The following NRG1 variants were observed in gnomAD, a reference collection of about 807,000 sequenced individuals.
The protein encoded by NRG1 is pro-neuregulin-1, membrane-bound isoform.
In NRG1, 18 loss-of-function variants were observed where a neutral mutation model predicts 63.8. That is an observed-to-expected ratio of 0.28 (90% CI 0.19 to 0.42). The LOEUF (loss-of-function observed/expected upper bound fraction) is 0.42, where lower values mean the gene tolerates loss of function less well. NRG1 is among the 10% of genes least tolerant of loss of function. The pLI, the probability that NRG1 is intolerant of heterozygous loss-of-function variation, is 1.00. For missense variants in NRG1, 762 were observed against 814.7 expected, an observed-to-expected ratio of 0.94 and a Z score of 0.79; for synonymous variants, 302 against 301.3, an observed-to-expected ratio of 1.00 and a Z score of -0.02.
chr8:31,954,251 G>A (rs1486556992), intron 1 of NRG1, among the ~76,000 whole-genome samples: 5 of 152,142 alleles, frequency 3.3e-5, no homozygotes, highest in Admixed American at 3.3e-4. Context: ...ATTTAGAGGT[G>A]AAGACACTGA....
intron 1 of NRG1, among the ~76,000 whole-genome samples, chr8:31,906,607 G>T (rs1239647322): frequency 6.6e-6 from 1 of 152,050 alleles, no homozygotes; most frequent in Non-Finnish European, 1.5e-5. Flanking sequence ...ATTCCGAGCA[G>T]TACTTTTAAG....
At chr8:31,947,713 G>A (rs1469811796) in intron 1 of NRG1, among the ~76,000 whole-genome samples, 2 of 151,914 alleles carry the variant, frequency 1.3e-5, no homozygotes, top group Non-Finnish European at 2.9e-5. Flanking sequence ...GGAGGCCAAG[G>A]CAGGTGGATC....
At chr8:32,038,134 G>A (rs147053749) in intron 1 of NRG1, among the ~76,000 whole-genome samples, 11 of 152,354 alleles carry the variant, frequency 7.2e-5, no homozygotes, top group African/African-American at 1.9e-4. Flanking sequence ...TGGTGGTGTG[G>A]GCTCACAAGG....
chr8:32,608,093 TTTTTTTTTTTTTTG>T (rs1563756382), intron 3 of NRG1, among the ~76,000 whole-genome samples: 4 of 97,348 alleles, frequency 4.1e-5, no homozygotes, highest in African/African-American at 1.9e-4. Context: ...GTTTTTTTTG[TTTTTTTTTTTTTTG>T]TTTTTTTTTT....
At chr8:32,450,622 C>T (rs182609405) in intron 1 of NRG1, among the ~76,000 whole-genome samples, 8 of 152,160 alleles carry the variant, frequency 5.3e-5, no homozygotes, top group Non-Finnish European at 1.2e-4. Flanking sequence ...CACCATGTTG[C>T]CCAGGCTGGT....
chr8:31,886,470 A>T (rs1830723282), intron 1 of NRG1, among the ~76,000 whole-genome samples: 1 of 152,158 alleles, frequency 6.6e-6, no homozygotes, highest in Non-Finnish European at 1.5e-5. Flanking sequence ...TAAGGAAACT[A>T]TGAAAACAGT....
At chr8:32,465,822 T>TCA (rs1162645376) in intron 1 of NRG1, among the ~76,000 whole-genome samples, 1 of 152,196 alleles carries the variant, frequency 6.6e-6, no homozygotes, top group African/African-American at 2.4e-5. Flanking sequence ...TATTTTACAG[T>TCA]CATGTAATCA....
chr8:31,706,230 G>C (rs919226418), intron 1 of NRG1, among the ~76,000 whole-genome samples: 1 of 151,928 alleles, frequency 6.6e-6, no homozygotes, highest in African/African-American at 2.4e-5. Flanking sequence ...TCCTTCCAGA[G>C]TTTTTTCTGC....
intron 1 of NRG1, among the ~76,000 whole-genome samples, chr8:32,282,027 A>T (rs1234786296): frequency 6.6e-6 from 1 of 152,206 alleles, no homozygotes; most frequent in Non-Finnish European, 1.5e-5. Flanking sequence ...CCTTTCTGAA[A>T]ACTTACACCG....
At chr8:31,946,423 C>A (rs28620142) in intron 1 of NRG1, among the ~76,000 whole-genome samples, 1 of 152,026 alleles carries the variant, frequency 6.6e-6, no homozygotes, top group Non-Finnish European at 1.5e-5. Flanking sequence ...TCCTGCAAGG[C>A]GCTAACAGTG....
chr8:31,790,344 G>C (rs1563405031), intron 1 of NRG1, among the ~76,000 whole-genome samples: 1 of 152,176 alleles, frequency 6.6e-6, no homozygotes, highest in African/African-American at 2.4e-5. Context: ...GAAACTAACA[G>C]TGATAGAGGA....
At chr8:32,219,713 G>GTA (rs1845612855) in intron 1 of NRG1, among the ~76,000 whole-genome samples, 1 of 152,194 alleles carries the variant, frequency 6.6e-6, no homozygotes, top group African/African-American at 2.4e-5. Flanking sequence ...CTTGGTTACT[G>GTA]TAGTTCATTC....
chr8:32,629,926 A>G (rs562790190), intron 5 of NRG1, among the ~76,000 whole-genome samples: 29 of 152,190 alleles, frequency 1.9e-4, no homozygotes, highest in Non-Finnish European at 4.1e-4. Context: ...ATAATAGATG[A>G]CAATAATATA....
chr8:32,308,170 C>T (rs772086833), intron 1 of NRG1, among the ~76,000 whole-genome samples: 1 of 152,116 alleles, frequency 6.6e-6, no homozygotes, highest in East Asian at 1.9e-4. Flanking sequence ...TGATGGTTTC[C>T]ACTTAGATTC....
chr8:31,643,019 T>C (rs1803953798), intron 1 of NRG1, among the ~76,000 whole-genome samples: 1 of 152,048 alleles, frequency 6.6e-6, no homozygotes, highest in Non-Finnish European at 1.5e-5. Context: ...AATGAATGAA[T>C]GTGTGAATTC....
intron 1 of NRG1, among the ~76,000 whole-genome samples, chr8:32,042,429 G>C (rs1820210932): frequency 6.6e-6 from 1 of 151,710 alleles, no homozygotes; most frequent in African/African-American, 2.4e-5. Flanking sequence ...TTGGGTGATA[G>C]AGCAAGACCT....
chr8:31,954,051 C>A (rs113165691), intron 1 of NRG1, among the ~76,000 whole-genome samples: 1 of 151,836 alleles, frequency 6.6e-6, no homozygotes, highest in Non-Finnish European at 1.5e-5. Context: ...TATCTTTAAC[C>A]CAGAGAGGAA....
At chr8:31,666,533 A>G (rs1045598435) in intron 1 of NRG1, among the ~76,000 whole-genome samples, 1 of 152,232 alleles carries the variant, frequency 6.6e-6, no homozygotes, top group Admixed American at 6.5e-5. Flanking sequence ...GAAAAAGAAG[A>G]AAGAAAAAAG....
At chr8:32,330,914 A>G (rs1802561885) in intron 1 of NRG1, among the ~76,000 whole-genome samples, 1 of 151,904 alleles carries the variant, frequency 6.6e-6, no homozygotes, top group Admixed American at 6.6e-5. Flanking sequence ...TTCTGATTAT[A>G]TTGTTTCTCT....
Sources: gnomAD v4.1 joint callset for allele counts (sites outside exome capture counted in the v4.1 genomes callset) on GRCh38, gnomAD v4.1.1 for gene constraint, MANE v1.5 for transcripts, NCBI Gene and HGNC (gene_info 2026-07-23, HGNC 2026-07-21) for gene names.